PDPN: variants seen among roughly 807,000 people sequenced by gnomAD.
PDPN encodes PA2.26 antigen.
A neutral mutation model predicts 23.2 loss-of-function variants in PDPN; 12 were observed. The observed-to-expected ratio is 0.52, with a 90% CI of 0.33 to 0.84. PDPN has a LOEUF of 0.84. Ranked by LOEUF, PDPN falls within the 40% of genes least tolerant of loss-of-function variation. The pLI, the probability that PDPN is intolerant of heterozygous loss-of-function variation, is 0.02. For synonymous variants in PDPN, 77 were observed against 76.7 expected (o/e 1.00, Z -0.02); for missense variants, 199 against 212.2 (o/e 0.94, Z 0.39).
intron 1 of PDPN, among the ~76,000 whole-genome samples, chr1:13,596,896 G>A (rs1057481694): frequency 6.6e-6 from 1 of 152,188 alleles, no homozygotes; most frequent in African/African-American, 2.4e-5. Context: ...ACTGTAGAGA[G>A]ATATGAGCAC....
chr1:13,592,333 C>A lies in PDPN; in HGVS notation c.67+8233C>A, dbSNP rs12034614. Among the ~76,000 whole-genome samples the A allele has an allele frequency of 8.1e-3, 1,234 of 152,122 alleles. 43 individuals carry two copies. The East Asian group carries it at 0.11, about 13-fold the overall frequency. On this transcript the variant is annotated intron_variant, in intron 1 of 5. Transcript: ENST00000621990. Reference sequence around the variant, plus strand: ...AAAATTTTGGTAAAGTTAAATGTATCTGTGTTTTGTTGCTTGTACTGTTGG... The same window carrying A: ...AAAATTTTGGTAAAGTTAAATGTATATGTGTTTTGTTGCTTGTACTGTTGG...
intron 1 of PDPN, chr1:13,595,938 C>G (rs1161649587): frequency 9.9e-6 from 12 of 1,208,192 alleles, no homozygotes; most frequent in East Asian, 5.7e-5. Flanking sequence ...TGGCTCACAA[C>G]TGTAATCCCA....
rs554407314 is a variant in PDPN at position 13,587,037 on chromosome 1, G to A, written c.67+2937G>A. On this transcript the variant is annotated intron_variant, in intron 1 of 5. Coordinates refer to ENST00000621990, the MANE Select transcript of PDPN (RefSeq NM_006474.5). ...CAGCACTCCAGCCTGGCAACAGAGCGAGACTCCGTCTCAAAAATATATATA... is the reference window on the plus strand; with the variant it reads ...CAGCACTCCAGCCTGGCAACAGAGCAAGACTCCGTCTCAAAAATATATATA... Among the ~76,000 whole-genome samples, 6 of 152,304 alleles carry A rather than the reference G, an allele frequency of 3.9e-5. No homozygotes were observed. The South Asian group carries it at 1.0e-3, about 26-fold the overall frequency.
intron 1 of PDPN, among the ~76,000 whole-genome samples, chr1:13,601,362 ATTTG>A (rs753049217): frequency 6.6e-6 from 1 of 152,076 alleles, no homozygotes; most frequent in African/African-American, 2.4e-5. Context: ...GTGACATAGT[ATTTG>A]TTTGTTTTGG....
chr1:13,590,220 CTGGGAGTACTGAATCG>C (rs1429965790), intron 1 of PDPN, among the ~76,000 whole-genome samples: 11 of 152,240 alleles, frequency 7.2e-5, no homozygotes, highest in African/African-American at 2.7e-4. Context: ...ATCCCCAGTG[CTGGGAGTACTGAATCG>C]AAGGATGCTG....
intron 2 of PDPN, among the ~76,000 whole-genome samples, chr1:13,609,768 CTTT>C (rs1363016858): frequency 6.6e-6 from 1 of 152,126 alleles, no homozygotes; most frequent in African/African-American, 2.4e-5. Flanking sequence ...AATGTTCATC[CTTT>C]TTAAAGCTGA....
At chr1:13,591,061 T>C (rs1209045605) in intron 1 of PDPN, among the ~76,000 whole-genome samples, 2 of 151,852 alleles carry the variant, frequency 1.3e-5, no homozygotes, top group Admixed American at 6.6e-5. Flanking sequence ...CCTGCCTCCG[T>C]CTCCTGAGTA....
At chr1:13,595,186 G>A (rs1223540999) in intron 1 of PDPN, among the ~76,000 whole-genome samples, 1 of 152,166 alleles carries the variant, frequency 6.6e-6, no homozygotes, top group African/African-American at 2.4e-5. Flanking sequence ...TAAAAGGGGA[G>A]AGAGGATAGA....
chr1:13,587,645 T>C (rs1416502607), intron 1 of PDPN, among the ~76,000 whole-genome samples: 3 of 152,170 alleles, frequency 2.0e-5, no homozygotes, highest in African/African-American at 7.2e-5. Context: ...TTGAAGAGAA[T>C]CAACTGATGG....
intron 1 of PDPN, among the ~76,000 whole-genome samples, chr1:13,599,110 A>C (rs1640573481): frequency 6.7e-6 from 1 of 149,602 alleles, no homozygotes; most frequent in Non-Finnish European, 1.5e-5. Context: ...TCCAGGGTTC[A>C]AGGGATTCCC....
intron 1 of PDPN, among the ~76,000 whole-genome samples, chr1:13,604,992 TAAAA>T (rs1057050180): frequency 6.6e-6 from 1 of 151,948 alleles, no homozygotes; most frequent in African/African-American, 2.4e-5. Context: ...ACCCCCAGAT[TAAAA>T]AAATGTGTAG....
chr1:13,610,673 T>G (rs1367336976), intron 3 of PDPN, among the ~76,000 whole-genome samples, 157 bp downstream of exon 3: 1 of 152,214 alleles, frequency 6.6e-6, no homozygotes, highest in Non-Finnish European at 1.5e-5. Flanking sequence ...GAATTCTATT[T>G]CAATTGATAC....
At chr1:13,589,205 C>T (rs1359103115) in intron 1 of PDPN, among the ~76,000 whole-genome samples, 1 of 152,144 alleles carries the variant, frequency 6.6e-6, no homozygotes, top group Non-Finnish European at 1.5e-5. Context: ...ACAGCTCCAC[C>T]CTTTGCTTTT....
At chr1:13,599,371 ATCTTTTTTTTTT>A (rs1221907585) in intron 1 of PDPN, among the ~76,000 whole-genome samples, 1 of 106,934 alleles carries the variant, frequency 9.4e-6, no homozygotes, top group African/African-American at 3.9e-5. Flanking sequence ...TCGAGAAGCT[ATCTTTTTTTTTT>A]TTTTTTTTTT....
rs1641108488 is a variant in PDPN, at chr1:13,617,577, C to CG, written c.*1668dup. On this transcript the variant is annotated 3_prime_UTR_variant, in exon 6 of 6. Transcript: ENST00000621990. ...TAGTAGAGATGGGGTTTCACCGTAT[C>CG]GGCGAGGATGATCTCTATCTCTTGA... 1 of 152,168 alleles carries CG rather than the reference C, an allele frequency of 6.6e-6. No homozygotes were observed. Among genetic ancestry groups the CG allele is most frequent in the African/African-American group, 2.4e-5 (1 of 41,420 alleles). 9.4% of individuals were successfully genotyped at this position (152,168 alleles called of 1,614,324 possible).
At chr1:13,613,817 G>T in intron 4 of PDPN, 92 bp downstream of exon 4, 1 of 699,466 alleles carries the variant, frequency 1.4e-6, no homozygotes, top group Non-Finnish European at 2.6e-6. Flanking sequence ...GTTCTTTTCT[G>T]GATTGCAGTC....
chr1:13,590,034 G>A (rs1258876617), intron 1 of PDPN, among the ~76,000 whole-genome samples: 2 of 152,144 alleles, frequency 1.3e-5, no homozygotes, highest in East Asian at 3.9e-4. Flanking sequence ...CACCATGTTG[G>A]CCAGGCTGTT....
chr1:13,605,576 AT>A (rs1216324409), intron 1 of PDPN, among the ~76,000 whole-genome samples: 1 of 152,166 alleles, frequency 6.6e-6, no homozygotes, highest in African/African-American at 2.4e-5. Context: ...TCTATCTCTC[AT>A]TGTAGAATTC....
chr1:13,596,026 C>T (rs1482535348), intron 1 of PDPN: 8 of 391,330 alleles, frequency 2.0e-5, no homozygotes, highest in South Asian at 1.0e-4. Flanking sequence ...GATGAAATCC[C>T]GTCTCTACTA....
Sources: allele counts gnomAD v4.1 joint callset (sites outside exome capture counted in the v4.1 genomes callset), GRCh38; gene constraint gnomAD v4.1.1; transcripts MANE v1.5; gene names NCBI Gene and HGNC (gene_info 2026-07-23, HGNC 2026-07-21).